The following DYNC1I1 variants were observed in gnomAD, a reference collection of about 807,000 sequenced individuals.
DYNC1I1 encodes cytoplasmic dynein 1 intermediate chain 1.
DYNC1I1 carries 43 observed loss-of-function variants against 86.6 expected under a neutral mutation model. That is an observed-to-expected ratio of 0.50 (90% CI 0.39 to 0.64). DYNC1I1 has a LOEUF of 0.64. Ranked by LOEUF, DYNC1I1 falls within the 30% of genes least tolerant of loss-of-function variation. The pLI is 0.00. For missense variants in DYNC1I1, 604 were observed against 788.8 expected (o/e 0.77, Z 2.81); for synonymous variants, 262 against 283.7 (o/e 0.92, Z 0.77).
At chr7:95,956,868 T>A (rs1364192577) in intron 6 of DYNC1I1, among the ~76,000 whole-genome samples, 1 of 152,172 alleles carries the variant, frequency 6.6e-6, no homozygotes, top group Non-Finnish European at 1.5e-5. Flanking sequence ...TTCATTTAAT[T>A]GGCTATTGGA....
intron 1 of DYNC1I1, among the ~76,000 whole-genome samples, chr7:95,792,444 C>G (rs2115725264): frequency 6.6e-6 from 1 of 152,312 alleles, no homozygotes; most frequent in East Asian, 1.9e-4. Flanking sequence ...GCATCCTTAT[C>G]TCTGAAAACA....
intron 11 of DYNC1I1, among the ~76,000 whole-genome samples, chr7:96,031,186 C>A (rs1295631875): frequency 6.6e-6 from 1 of 152,088 alleles, no homozygotes; most frequent in African/African-American, 2.4e-5. Context: ...TATAGGTAGA[C>A]AGTTCTGTTT....
At chr7:96,078,975 A>T (rs1253896063) in intron 15 of DYNC1I1, among the ~76,000 whole-genome samples, 1 of 152,096 alleles carries the variant, frequency 6.6e-6, no homozygotes, top group Admixed American at 6.6e-5. Context: ...TTTATTATAG[A>T]AATTGTGTAT....
intron 10 of DYNC1I1, among the ~76,000 whole-genome samples, chr7:96,018,152 A>T (rs1794446706): frequency 6.6e-6 from 1 of 152,190 alleles, no homozygotes; most frequent in Non-Finnish European, 1.5e-5. Flanking sequence ...GGGAGCCCAC[A>T]AGCCCTCTCT....
At chr7:95,795,335 A>G (rs1257427351) in intron 1 of DYNC1I1, among the ~76,000 whole-genome samples, 3 of 130,404 alleles carry the variant, frequency 2.3e-5, no homozygotes, top group Admixed American at 2.3e-4. Flanking sequence ...GTAAATGTGT[A>G]TGACTATATC....
At chr7:95,996,798 C>T (rs1448770742) in intron 10 of DYNC1I1, among the ~76,000 whole-genome samples, 2 of 152,138 alleles carry the variant, frequency 1.3e-5, no homozygotes, top group Non-Finnish European at 1.5e-5. Context: ...ATGCTCCTAT[C>T]CTGTGATTAT....
chr7:95,803,370 CA>C (rs1398811243), intron 1 of DYNC1I1, among the ~76,000 whole-genome samples: 1 of 152,164 alleles, frequency 6.6e-6, no homozygotes, highest in East Asian at 1.9e-4. Flanking sequence ...GTGCCTAGCA[CA>C]GATTAAATAC....
At chr7:95,793,799 G>A (rs372305761) in intron 1 of DYNC1I1, among the ~76,000 whole-genome samples, 25 of 152,284 alleles carry the variant, frequency 1.6e-4, no homozygotes, top group East Asian at 3.9e-4. Context: ...ACTCGTTTAC[G>A]TAACAGGCAA....
chr7:95,977,819 A>G (rs1485080007), intron 7 of DYNC1I1, among the ~76,000 whole-genome samples: 1 of 152,230 alleles, frequency 6.6e-6, no homozygotes, highest in Non-Finnish European at 1.5e-5. Flanking sequence ...ATAAAGTGCA[A>G]AACGTCCACA....
chr7:96,047,208 T>C (rs1337501232), intron 14 of DYNC1I1, among the ~76,000 whole-genome samples: 1 of 152,046 alleles, frequency 6.6e-6, no homozygotes, highest in Non-Finnish European at 1.5e-5. Flanking sequence ...GACCTAATCA[T>C]CTCCTAAAGT....
rs567873184 is a variant in DYNC1I1, at chr7:96,013,760, G to T, written c.970-14415G>T. Among the ~76,000 whole-genome samples, 4 of 151,986 alleles carry T rather than the reference G, an allele frequency of 2.6e-5. No homozygotes were observed. The East Asian group carries it at 7.8e-4, about 29-fold the overall frequency. ...CAGGTAATTTGTTACTGCAGCAAGA[G>T]CAAATTAATGCTAATGCCTACCAAA... On this transcript the variant is annotated intron_variant, in intron 10 of 16. Transcript: ENST00000447467.
chr7:95,830,661 T>A (rs1795301048), intron 5 of DYNC1I1, among the ~76,000 whole-genome samples: 1 of 152,190 alleles, frequency 6.6e-6, no homozygotes, highest in Non-Finnish European at 1.5e-5. Flanking sequence ...CTATAAACAT[T>A]CATGTACAAA....
chr7:96,084,442 C>CTTTTTTTTTTT (rs11369815), intron 16 of DYNC1I1, among the ~76,000 whole-genome samples: 1 of 124,744 alleles, frequency 8.0e-6, no homozygotes, highest in East Asian at 2.3e-4. Flanking sequence ...TTTTTCTTTT[C>CTTTTTTTTTTT]TTTTTTTTTT....
Position 95,875,112 on chromosome 7 carries a change from G to T in DYNC1I1, c.490+5114G>T, listed in dbSNP as rs185824537. On this transcript the variant is annotated intron_variant, in intron 6 of 16. Transcript: ENST00000447467. ...CCCCTGTGTCAGCTGTGAGGGACAA[G>T]GCAGAGAAATAACTGCCCAAGTTCA... Among the ~76,000 whole-genome samples, 434 of 152,296 alleles carry T rather than the reference G, an allele frequency of 2.8e-3. 1 individual carries two copies. Among genetic ancestry groups the T allele is most frequent in the African/African-American group, 0.01 (420 of 41,552 alleles).
intron 10 of DYNC1I1, among the ~76,000 whole-genome samples, chr7:96,013,486 T>C (rs1794328102): frequency 6.6e-6 from 1 of 152,116 alleles, no homozygotes; most frequent in African/African-American, 2.4e-5. Context: ...TGAGACAGGG[T>C]CTTACTCTGT....
At chr7:95,867,718 C>A (rs1256064260) in intron 5 of DYNC1I1, among the ~76,000 whole-genome samples, 3 of 152,068 alleles carry the variant, frequency 2.0e-5, no homozygotes, top group Non-Finnish European at 2.9e-5. Flanking sequence ...GTGCCCAGGG[C>A]AGTTGAGGGT....
At chr7:96,076,353 A>C (rs1018826889) in intron 15 of DYNC1I1, among the ~76,000 whole-genome samples, 156 bp downstream of exon 15, 3 of 152,198 alleles carry the variant, frequency 2.0e-5, no homozygotes, top group African/African-American at 7.2e-5. Context: ...CCCTGAAGGG[A>C]ATTGGCAGAT....
At chr7:96,012,813 C>G (rs1252976143) in intron 10 of DYNC1I1, among the ~76,000 whole-genome samples, 1 of 152,114 alleles carries the variant, frequency 6.6e-6, no homozygotes, top group Non-Finnish European at 1.5e-5. Flanking sequence ...TATTCTTATA[C>G]CAGGAACCTG....
At chr7:95,957,776 G>A (rs1471019564) in intron 6 of DYNC1I1, among the ~76,000 whole-genome samples, 1 of 152,216 alleles carries the variant, frequency 6.6e-6, no homozygotes, top group Non-Finnish European at 1.5e-5. Flanking sequence ...ACACCCGGGA[G>A]TAGGCTCTGA....
Sources: allele counts gnomAD v4.1 joint callset (sites outside exome capture counted in the v4.1 genomes callset), GRCh38; gene constraint gnomAD v4.1.1; transcripts MANE v1.5; gene names NCBI Gene and HGNC (gene_info 2026-07-23, HGNC 2026-07-21).